Variants in ATP11B observed in about 807,000 individuals in gnomAD.
ATP11B encodes the protein ATPase phospholipid transporting 11B (putative).
A neutral mutation model predicts 157.8 loss-of-function variants in ATP11B; 81 were observed. The ratio of observed to expected loss-of-function variants is 0.51; its 90% CI spans 0.43 to 0.62. The LOEUF (loss-of-function observed/expected upper bound fraction) is 0.62. ATP11B is among the 20% of genes least tolerant of loss of function. ATP11B has a pLI of 0.00. For synonymous variants in ATP11B, 451 were observed against 469.4 expected, an observed-to-expected ratio of 0.96 and a Z score of 0.51; for missense variants, 1,165 against 1,402.2, an observed-to-expected ratio of 0.83 and a Z score of 2.70.
intron 28 of ATP11B, chr3:182,905,683 T>G (rs545087170): frequency 5.5e-5 from 24 of 435,076 alleles, no homozygotes; most frequent in South Asian, 3.9e-4. Context: ...CTTTGAACAT[T>G]CTTTTGTGCC....
chr3:182,800,755 TCCTATACATGG>T, intron 1 of ATP11B, among the ~76,000 whole-genome samples: 1 of 151,438 alleles, frequency 6.6e-6, no homozygotes, highest in Non-Finnish European at 1.5e-5. Context: ...TATTTTCTTA[TCCTATACATGG>T]TATTGGCAAA....
At chr3:182,915,761 C>A (rs1725099584) in intron 29 of ATP11B, 11 of 985,124 alleles carry the variant, frequency 1.1e-5, no homozygotes, top group Non-Finnish European at 1.3e-5. Context: ...CTCTTTTGAA[C>A]CTGCCCCAGG....
chr3:182,809,193 C>CT (rs1331055417), intron 1 of ATP11B, among the ~76,000 whole-genome samples: 1 of 151,846 alleles, frequency 6.6e-6, no homozygotes, highest in African/African-American at 2.4e-5. Flanking sequence ...CAATTAAAGA[C>CT]TAAGTTTCCT....
chr3:182,854,305 A>G (rs576242746), intron 10 of ATP11B, among the ~76,000 whole-genome samples: 1 of 152,104 alleles, frequency 6.6e-6, no homozygotes, highest in Non-Finnish European at 1.5e-5. Flanking sequence ...CCCTGTCTCT[A>G]CTAAAAATAC....
intron 10 of ATP11B, among the ~76,000 whole-genome samples, chr3:182,851,278 G>A (rs1328240833): frequency 3.3e-5 from 5 of 152,264 alleles, no homozygotes; most frequent in South Asian, 2.1e-4. Context: ...GTGACAGAGC[G>A]AGACTCCATC....
intron 1 of ATP11B, among the ~76,000 whole-genome samples, chr3:182,795,693 C>T (rs191695013): frequency 1.2e-4 from 18 of 152,292 alleles, no homozygotes; most frequent in Non-Finnish European, 2.5e-4. Context: ...GACTTTGTGT[C>T]TCTGGTTAAG....
At chr3:182,810,483 CTT>C (rs1452214448) in intron 1 of ATP11B, among the ~76,000 whole-genome samples, 1 of 151,464 alleles carries the variant, frequency 6.6e-6, no homozygotes, top group African/African-American at 2.4e-5. Flanking sequence ...ACATGCTTTA[CTT>C]TCTTTCGAAG....
At chr3:182,887,561 C>T (rs1034102515) in intron 23 of ATP11B, 25 bp from the exon 24 acceptor site, 4 of 1,595,674 alleles carry the variant, frequency 2.5e-6, no homozygotes, top group Non-Finnish European at 2.6e-6. Context: ...AGAAACTCAA[C>T]ATTCCTACCA....
intron 8 of ATP11B, chr3:182,843,781 A>G (rs1454309028): frequency 6.6e-6 from 1 of 152,198 alleles, no homozygotes; most frequent in Non-Finnish European, 1.5e-5. Flanking sequence ...TACTGGCTGC[A>G]TGAAATAAGT....
chr3:182,913,730 C>G, intron 28 of ATP11B, 131 bp from the exon 29 acceptor site: 5 of 1,452,786 alleles, frequency 3.4e-6, no homozygotes, highest in Non-Finnish European at 4.7e-6. Flanking sequence ...TCATATGTTT[C>G]CCATATTATA....
At chr3:182,797,960 G>A (rs1715736802) in intron 1 of ATP11B, among the ~76,000 whole-genome samples, 1 of 152,036 alleles carries the variant, frequency 6.6e-6, no homozygotes, top group Admixed American at 6.6e-5. Flanking sequence ...AGAATAGTGA[G>A]ATCCTGTCTC....
chr3:182,865,129 G>A (rs1721131535), intron 12 of ATP11B, among the ~76,000 whole-genome samples: 1 of 151,976 alleles, frequency 6.6e-6, no homozygotes, highest in South Asian at 2.1e-4. Flanking sequence ...ATAATTCTTA[G>A]AGTCCTACTA....
intron 21 of ATP11B, among the ~76,000 whole-genome samples, chr3:182,883,333 C>T (rs930586216): frequency 2.0e-5 from 3 of 151,808 alleles, no homozygotes; most frequent in Non-Finnish European, 4.4e-5. Flanking sequence ...TCTCGGCTCA[C>T]GGCAACCTCC....
chr3:182,887,753 T>C, intron 24 of ATP11B, 40 bp downstream of exon 24: 2 of 1,578,596 alleles, frequency 1.3e-6, no homozygotes, highest in Non-Finnish European at 1.7e-6. Flanking sequence ...ATCAGTTTTT[T>C]TAAGTAAAAA....
chr3:182,835,876 GAAC>G (rs1480608173), intron 4 of ATP11B, among the ~76,000 whole-genome samples, 156 bp from the exon 5 acceptor site: 1 of 152,130 alleles, frequency 6.6e-6, no homozygotes, highest in Admixed American at 6.6e-5. Flanking sequence ...TTTCCAGTAG[GAAC>G]AAATATCAGA....
At chr3:182,911,278 C>T (rs959890671) in intron 28 of ATP11B, among the ~76,000 whole-genome samples, 1 of 124,682 alleles carries the variant, frequency 8.0e-6, no homozygotes, top group Non-Finnish European at 1.6e-5. Flanking sequence ...AATGCCCCCC[C>T]CCGCTAAGTC....
chr3:182,822,808 T>A (rs1717456623), intron 2 of ATP11B, among the ~76,000 whole-genome samples: 1 of 152,212 alleles, frequency 6.6e-6, no homozygotes, highest in Admixed American at 6.5e-5. Flanking sequence ...ATGATCGCCA[T>A]TCTAACTGGT....
chr3:182,916,241 C>T, intron 29 of ATP11B: 1 of 985,160 alleles, frequency 1.0e-6, no homozygotes, highest in Non-Finnish European at 1.2e-6. Flanking sequence ...AGCATCTATT[C>T]TATGTTTCTA....
chr3:182,865,754 T>A, intron 13 of ATP11B, 56 bp downstream of exon 13: 2 of 1,426,594 alleles, frequency 1.4e-6, no homozygotes, highest in Non-Finnish European at 1.9e-6. Flanking sequence ...TTCTCTTCAG[T>A]AGTTGATGAG....
Sources: allele counts gnomAD v4.1 joint callset (sites outside exome capture counted in the v4.1 genomes callset), GRCh38; gene constraint gnomAD v4.1.1; transcripts MANE v1.5; gene names NCBI Gene and HGNC (gene_info 2026-07-23, HGNC 2026-07-21).